Variants in MARK1 observed in about 807,000 individuals in gnomAD.
MARK1 encodes microtubule affinity regulating kinase 1, also known as serine/threonine-protein kinase MARK1.
A neutral mutation model predicts 96.3 loss-of-function variants in MARK1; 40 were observed. The observed-to-expected ratio is 0.42, with a 90% CI of 0.32 to 0.54. The LOEUF (loss-of-function observed/expected upper bound fraction) is 0.54. Among genes scored for constraint, MARK1 ranks in the 20% least tolerant of loss-of-function variants. The pLI, the probability that MARK1 is intolerant of heterozygous loss-of-function variation, is 0.16. For synonymous variants in MARK1, 317 were observed against 341.2 expected, an observed-to-expected ratio of 0.93 and a Z score of 0.78; for missense variants, 719 against 984.6, an observed-to-expected ratio of 0.73 and a Z score of 3.61.
intron 17 of MARK1, among the ~76,000 whole-genome samples, chr1:220,659,150 C>T (rs1196060865): frequency 3.9e-5 from 6 of 152,152 alleles, no homozygotes; most frequent in Non-Finnish European, 5.9e-5. Flanking sequence ...ATACTTTTCA[C>T]ATTCCCTTTT....
intron 1 of MARK1, among the ~76,000 whole-genome samples, chr1:220,532,868 T>C (rs1660408177): frequency 6.6e-6 from 1 of 151,950 alleles, no homozygotes; most frequent in South Asian, 2.1e-4. Flanking sequence ...AAGCTGGGCA[T>C]GGTGGTGTGT....
At chr1:220,534,213 A>G (rs1177954837) in intron 1 of MARK1, among the ~76,000 whole-genome samples, 3 of 151,950 alleles carry the variant, frequency 2.0e-5, no homozygotes, top group Admixed American at 2.0e-4. Context: ...TTGGGGGTAT[A>G]TGTGTTAATT....
chr1:220,605,823 G>A (rs192558978), intron 6 of MARK1, among the ~76,000 whole-genome samples: 3 of 152,132 alleles, frequency 2.0e-5, no homozygotes, highest in African/African-American at 7.2e-5. Context: ...CTTTATCCAC[G>A]TCCCTGCAAA....
chr1:220,598,418 A>ATATAT (rs3062186), intron 4 of MARK1, 39 bp downstream of exon 4: 4 of 229,290 alleles, frequency 1.7e-5, no homozygotes, highest in Middle Eastern at 1.7e-3. Context: ...ATATATATAT[A>ATATAT]ATTAGCGATG....
At chr1:220,609,005 A>G (rs1031859813) in intron 6 of MARK1, among the ~76,000 whole-genome samples, 15 of 152,176 alleles carry the variant, frequency 9.9e-5, no homozygotes, top group African/African-American at 3.4e-4. Flanking sequence ...ATAAGTGCAA[A>G]GTGATGCTGA....
At chr1:220,539,808 T>C (rs1661008304) in intron 1 of MARK1, among the ~76,000 whole-genome samples, 1 of 152,030 alleles carries the variant, frequency 6.6e-6, no homozygotes, top group South Asian at 2.1e-4. Flanking sequence ...TATATTGATA[T>C]GCATTAGGGA....
Position 220,653,205 on chromosome 1 carries a change from T to C in MARK1, c.1841T>C (p.Phe614Ser). 6.2e-7 allele frequency: 1 copy of C among 1,614,226 alleles called. No homozygotes were observed. Among genetic ancestry groups the C allele is most frequent in the Non-Finnish European group, 8.5e-7 (1 of 1,180,034 alleles). The part of the protein sequence containing the change: ...FPRGSSSRST[F>S]HGEQLRERRS... ...CGAGGGAGCTCAAGCCGAAGCACTT[T>C]CCATGGTGAACAGCTCCGGGAGCGA... Residue 614 changes from phenylalanine to serine, a missense_variant, in exon 16 of 18, where the codon TTC becomes TCC. Physicochemically the swap from Phe to Ser is radical, Grantham distance 155. Transcript: ENST00000366917.
intron 13 of MARK1, among the ~76,000 whole-genome samples, chr1:220,645,139 T>C (rs1668509275): frequency 6.6e-6 from 1 of 152,078 alleles, no homozygotes; most frequent in African/African-American, 2.4e-5. Flanking sequence ...CAGAAGTTGG[T>C]TTTTGAAAAT....
intron 13 of MARK1, among the ~76,000 whole-genome samples, chr1:220,639,693 C>A (rs1464889784): frequency 6.6e-6 from 1 of 152,186 alleles, no homozygotes; most frequent in Non-Finnish European, 1.5e-5. Context: ...AGTCCCATCC[C>A]CACTGGCACT....
intron 9 of MARK1, chr1:220,626,230 T>C (rs1667321482): frequency 3.7e-6 from 2 of 535,726 alleles, no homozygotes; most frequent in Admixed American, 2.1e-5. Flanking sequence ...ACTGCTAACC[T>C]ATCACCAGAG....
chr1:220,636,640 C>A (rs758927537), intron 13 of MARK1, among the ~76,000 whole-genome samples: 2 of 151,782 alleles, frequency 1.3e-5, no homozygotes, highest in African/African-American at 2.4e-5. Flanking sequence ...TTTGAAAAGA[C>A]CCAGAGTGAC....
chr1:220,613,037 G>A (rs1572175779), intron 6 of MARK1, among the ~76,000 whole-genome samples: 1 of 152,182 alleles, frequency 6.6e-6, no homozygotes, highest in Admixed American at 6.5e-5. Flanking sequence ...ACACTGATGT[G>A]TGTGGTCTTA....
chr1:220,661,931 T>A lies in MARK1; in HGVS notation c.2153T>A (p.Met718Lys). 1 of 1,614,160 alleles carries A rather than the reference T, an allele frequency of 6.2e-7. No individual in the cohort carries two copies. Among genetic ancestry groups the A allele is most frequent in the Non-Finnish European group, 8.5e-7 (1 of 1,180,018 alleles). ...AGTTCAATGGACCCTAATGACATGA[T>A]GAGAGAAATCCGAAAAGTGTTAGAT... ...TTSSMDPNDM[M>K]REIRKVLDAN... The change falls in exon 18 of 18, where the codon ATG (methionine) becomes AAG (lysine). Residue 718 changes from methionine (M) to lysine (K), a missense_variant. By Grantham distance (95) the Met-to-Lys change is moderately conservative (BLOSUM62 -1). Coordinates refer to ENST00000366917, the MANE Select transcript of MARK1 (RefSeq NM_018650.5).
chr1:220,620,122 T>C (rs1007643910), intron 9 of MARK1, among the ~76,000 whole-genome samples: 12 of 152,224 alleles, frequency 7.9e-5, no homozygotes, highest in African/African-American at 2.9e-4. Context: ...TTGTGTCAGT[T>C]AGTCAATTAT....
intron 3 of MARK1, among the ~76,000 whole-genome samples, chr1:220,591,952 C>CA (rs1572139609): frequency 6.6e-6 from 1 of 152,024 alleles, no homozygotes; most frequent in East Asian, 1.9e-4. Context: ...ATCTTGCCCA[C>CA]ACCTAGCTGG....
intron 1 of MARK1, among the ~76,000 whole-genome samples, chr1:220,572,330 T>C (rs1160502901): frequency 1.3e-5 from 2 of 152,166 alleles, no homozygotes; most frequent in East Asian, 1.9e-4. Context: ...CAACCTCTGC[T>C]TCCCGGGTTC....
At chr1:220,658,467 TC>T (rs1228507848) in intron 17 of MARK1, among the ~76,000 whole-genome samples, 3 of 152,302 alleles carry the variant, frequency 2.0e-5, no homozygotes, top group Admixed American at 2.0e-4. Flanking sequence ...TTCTATCAAG[TC>T]CCCAGGAGAT....
chr1:220,642,526 C>T (rs1668338219), intron 13 of MARK1, among the ~76,000 whole-genome samples: 1 of 152,184 alleles, frequency 6.6e-6, no homozygotes, highest in Admixed American at 6.5e-5. Flanking sequence ...CAGCTGTGGT[C>T]TCAGGTTAAG....
At chr1:220,593,875 C>G (rs953519577) in intron 3 of MARK1, among the ~76,000 whole-genome samples, 50 of 152,282 alleles carry the variant, frequency 3.3e-4, no homozygotes, top group Non-Finnish European at 1.5e-4. Flanking sequence ...GAGAGGCCCC[C>G]TCAGCCCTCA....
Sources: allele counts gnomAD v4.1 joint callset (sites outside exome capture counted in the v4.1 genomes callset), GRCh38; gene constraint gnomAD v4.1.1; transcripts MANE v1.5; gene names NCBI Gene and HGNC (gene_info 2026-07-23, HGNC 2026-07-21).